MRPL22: variants seen among roughly 807,000 people sequenced by gnomAD.
The protein encoded by MRPL22 is large ribosomal subunit protein uL22m.
MRPL22 carries 27 observed loss-of-function variants against 32.4 expected under a neutral mutation model. The observed-to-expected ratio is 0.83, with a 90% CI of 0.61 to 1.15. The LOEUF (loss-of-function observed/expected upper bound fraction) is 1.15. Among genes scored for constraint, MRPL22 ranks in the 50% most tolerant of loss-of-function variants. MRPL22 has a pLI of 0.00. For missense variants in MRPL22, 239 were observed against 260.2 expected (o/e 0.92, Z 0.56); for synonymous variants, 86 against 87.3 (o/e 0.99, Z 0.08).
chr5:154,944,586 G>A (rs1764463785), intron 2 of MRPL22, among the ~76,000 whole-genome samples: 1 of 152,090 alleles, frequency 6.6e-6, no homozygotes, highest in Non-Finnish European at 1.5e-5. Context: ...GATTTTGCAG[G>A]GAACAGGAAC....
chr5:154,957,302 A>G (rs1157319236), intron 5 of MRPL22, 90 bp downstream of exon 5: 20 of 1,067,290 alleles, frequency 1.9e-5, no homozygotes. Context: ...CTAAATCATG[A>G]ATTCCCTAAA....
At position 154,969,403 on chromosome 5, in the gene MRPL22, T is replaced by G. The variant is rs1310307192; in HGVS notation, c.*2506T>G. The G allele has an allele frequency of 6.6e-6, 1 of 152,074 alleles. No individual in the cohort carries two copies. The highest frequency in any genetic ancestry group is 1.9e-4 in the East Asian group (1 of 5,202). The allele number at this position is 152,074 out of a possible 1,614,324, so 9.4% of individuals were successfully genotyped here. On this transcript the variant is annotated 3_prime_UTR_variant, in exon 7 of 7. Transcript: ENST00000523037. ...TTGACACAATTAAATGTCTTTTCTTTATAAATTACCCAATCTTGGGTATTC... is the reference window on the plus strand; with the variant it reads ...TTGACACAATTAAATGTCTTTTCTTGATAAATTACCCAATCTTGGGTATTC...
chr5:154,958,042 G>A (rs1764653949), intron 5 of MRPL22, among the ~76,000 whole-genome samples: 2 of 147,446 alleles, frequency 1.4e-5, no homozygotes, highest in Non-Finnish European at 3.0e-5. Context: ...TCAGCCTCCC[G>A]AGTAGCTGGG....
At chr5:154,962,715 G>A (rs1007816558) in intron 6 of MRPL22, among the ~76,000 whole-genome samples, 1 of 152,036 alleles carries the variant, frequency 6.6e-6, no homozygotes, top group African/African-American at 2.4e-5. Flanking sequence ...CTGTGAATAG[G>A]CCTTAACAAG....
intron 3 of MRPL22, 41 bp from the exon 4 acceptor site, chr5:154,956,330 G>C: frequency 7.1e-7 from 1 of 1,406,502 alleles, no homozygotes; most frequent in Non-Finnish European, 1.0e-6. Flanking sequence ...TGGTAAACCT[G>C]CTAACATTTT....
At chr5:154,946,014 G>C (rs771551165) in intron 2 of MRPL22, among the ~76,000 whole-genome samples, 3 of 152,094 alleles carry the variant, frequency 2.0e-5, no homozygotes, top group African/African-American at 7.2e-5. Context: ...TGAATTATTT[G>C]AGTCCTGAAA....
At chr5:154,947,744 T>C (rs553741342) in intron 2 of MRPL22, among the ~76,000 whole-genome samples, 1 of 152,366 alleles carries the variant, frequency 6.6e-6, no homozygotes, top group Admixed American at 6.5e-5. Context: ...TAACTCATTC[T>C]ATTATAGCCA....
intron 3 of MRPL22, among the ~76,000 whole-genome samples, chr5:154,953,935 C>T (rs1248604843): frequency 6.6e-6 from 1 of 151,082 alleles, no homozygotes; most frequent in Non-Finnish European, 1.5e-5. Flanking sequence ...TTCCACCCAC[C>T]TTGGCCTCCC....
In MRPL22 at chr5:154,967,846, C is replaced by G. The variant is rs766820276; in HGVS notation, c.*949C>G. The G allele has an allele frequency of 1.3e-5, 2 of 152,166 alleles. No homozygotes were observed. The highest frequency in any genetic ancestry group is 2.9e-5 in the Non-Finnish European group (2 of 68,038). 9.4% of individuals were successfully genotyped at this position (152,166 alleles called of 1,614,324 possible). A position where few individuals can be genotyped will look rare whatever the true frequency, so the allele number is the denominator to read the frequency against. On this transcript the variant is annotated 3_prime_UTR_variant, in exon 7 of 7. Transcript: ENST00000523037. This position sits in a 1 kb window ranked among gnomAD's most constrained non-coding sequence, Gnocchi z 4.7. The stretch of plus-strand genomic sequence containing the variant: ...GGCCCCACCCCAATGATTCAATTCA[C>G]TAGGTCTTATGGGGGGCTGGTTTCA...
Position 154,967,006 on chromosome 5 carries a change from A to C in MRPL22, c.*109A>C. On this transcript the variant is annotated 3_prime_UTR_variant, in exon 7 of 7. Transcript: ENST00000523037. The surrounding 1 kb of genome is among the most constrained non-coding windows in gnomAD (Gnocchi z 4.7). ...TGATTTCTCATTGAATTATTGAAAC[A>C]GTGTATAACTGCTAGTTGTAAATGA... is the stretch of plus-strand genomic sequence containing the variant. The C allele has an allele frequency of 9.0e-7, 1 of 1,106,014 alleles. No individual in the cohort carries two copies. The highest frequency in any genetic ancestry group is 2.6e-5 in the East Asian group (1 of 38,640). 68.5% of individuals were successfully genotyped at this position (1,106,014 alleles called of 1,614,324 possible). A position where few individuals can be genotyped will look rare whatever the true frequency, so the allele number is the denominator to read the frequency against.
In MRPL22 at chr5:154,967,052, A is replaced by C; in HGVS notation, c.*155A>C. 1 of 876,590 alleles carries C rather than the reference A, an allele frequency of 1.1e-6. No individual in the cohort carries two copies. The highest frequency in any genetic ancestry group is 1.9e-5 in the South Asian group (1 of 53,098). The allele number at this position is 876,590 out of a possible 1,614,324, so 54.3% of individuals were successfully genotyped here. ...AATGAATATTTATAAGGCTTTGCCC[A>C]TTTCTTTTGAGCCTCTGGGCATATT... On this transcript the variant is annotated 3_prime_UTR_variant, in exon 7 of 7. Coordinates refer to ENST00000523037, the MANE Select transcript of MRPL22 (RefSeq NM_014180.4). The surrounding 1 kb of genome is among the most constrained non-coding windows in gnomAD (Gnocchi z 4.7).
intron 3 of MRPL22, 58 bp downstream of exon 3, chr5:154,950,996 A>T (rs1250071480): frequency 9.5e-7 from 1 of 1,053,058 alleles, no homozygotes; most frequent in East Asian, 2.4e-5. Context: ...CTCTTAAGTG[A>T]TTAGTAATGA....
At chr5:154,948,485 A>AT (rs899276059) in intron 2 of MRPL22, among the ~76,000 whole-genome samples, 2 of 151,498 alleles carry the variant, frequency 1.3e-5, no homozygotes, top group African/African-American at 4.8e-5. Context: ...TATACCTTGG[A>AT]TTTTACCGAG....
chr5:154,961,800 C>T (rs1764707483), intron 6 of MRPL22, among the ~76,000 whole-genome samples: 1 of 152,064 alleles, frequency 6.6e-6, no homozygotes. Context: ...CATCTTCCTG[C>T]CCCAGCCTCC....
chr5:154,947,865 A>C (rs576768869), intron 2 of MRPL22, among the ~76,000 whole-genome samples: 2 of 152,260 alleles, frequency 1.3e-5, no homozygotes, highest in African/African-American at 2.4e-5. Context: ...TTTCACATTG[A>C]GGTGACATTT....
chr5:154,962,484 G>C (rs2113545909), intron 6 of MRPL22, among the ~76,000 whole-genome samples: 1 of 152,282 alleles, frequency 6.6e-6, no homozygotes, highest in Non-Finnish European at 1.5e-5. Context: ...TGAAAAACTA[G>C]TTACTTATTG....
At position 154,965,527 on chromosome 5, in the gene MRPL22, C is replaced by T. The variant is rs1203616239; in HGVS notation, c.410-1159C>T. Among the ~76,000 whole-genome samples, 10 of 150,994 alleles carry T rather than the reference C, an allele frequency of 6.6e-5. No homozygotes were observed. In the East Asian group the frequency reaches 1.6e-3, roughly 24 times the overall value. On this transcript the variant is annotated intron_variant, in intron 6 of 6. Coordinates refer to ENST00000523037, the MANE Select transcript of MRPL22 (RefSeq NM_014180.4). ...GCAACCTCTGCCTCTCGGGTTCAAGCGATTCTCTTGCCTCAGCCTCCCAAG... is the reference window on the plus strand; with the variant it reads ...GCAACCTCTGCCTCTCGGGTTCAAGTGATTCTCTTGCCTCAGCCTCCCAAG...
rs1764773909 is a variant in MRPL22 at position 154,966,809 on chromosome 5, C to T, written c.533C>T (p.Pro178Leu). 1 of 1,614,078 alleles carries T rather than the reference C, an allele frequency of 6.2e-7. No individual in the cohort carries two copies. The highest frequency in any genetic ancestry group is 1.7e-5 in the Admixed American group (1 of 60,000). Residue 178 changes from proline to leucine, a missense_variant, in exon 7 of 7, where the codon CCT becomes CTT. By Grantham distance (98) the Pro-to-Leu change is moderately conservative. Coordinates refer to ENST00000523037, the MANE Select transcript of MRPL22 (RefSeq NM_014180.4). ...YFVKLVEGPP[P>L]PPEPPKTAVA... ...GTGAAGTTGGTGGAAGGGCCCCCAC[C>T]TCCACCTGAGCCACCAAAGACGGCA...
intron 2 of MRPL22, among the ~76,000 whole-genome samples, chr5:154,944,390 G>A (rs148282671): frequency 4.1e-4 from 63 of 152,318 alleles, no homozygotes; most frequent in East Asian, 3.5e-3. Context: ...CACCAAGCCT[G>A]TCTGTACCAC....
Sources: gnomAD v4.1 joint callset for allele counts (sites outside exome capture counted in the v4.1 genomes callset) on GRCh38, gnomAD v4.1.1 for gene constraint, Gnocchi (gnomAD v3.1) non-coding constraint, MANE v1.5 for transcripts, NCBI Gene and HGNC (gene_info 2026-07-23, HGNC 2026-07-21) for gene names.